The following TNNI3K variants were observed in gnomAD, a reference collection of about 807,000 sequenced individuals.
TNNI3K encodes serine/threonine-protein kinase TNNI3K.
Under a neutral mutation model 114.5 loss-of-function variants are expected in TNNI3K, and 140 were observed. That is an observed-to-expected ratio of 1.22 (90% CI 1.07 to 1.41). The LOEUF is 1.41. TNNI3K is among the 40% of genes most tolerant of loss of function. The probability of loss-of-function intolerance (pLI) is 0.00; values close to 1 mark genes in which losing one functional copy is unlikely to be tolerated. For synonymous variants in TNNI3K, 347 were observed against 347.5 expected (o/e 1.00, Z 0.02); for missense variants, 1,125 against 1,007.6 (o/e 1.12, Z -1.58).
intron 9 of TNNI3K, among the ~76,000 whole-genome samples, chr1:74,352,263 G>A (rs1451886259): frequency 1.3e-5 from 2 of 152,208 alleles, no homozygotes; most frequent in Non-Finnish European, 2.9e-5. Flanking sequence ...GGTATCAGCA[G>A]TGGTGGCTGC....
chr1:74,302,959 G>A (rs1250908273), intron 5 of TNNI3K, among the ~76,000 whole-genome samples: 1 of 152,180 alleles, frequency 6.6e-6, no homozygotes, highest in Non-Finnish European at 1.5e-5. Context: ...GGACTTTCAG[G>A]CTAGAAAGGA....
chr1:74,415,194 G>C (rs1378823568), intron 17 of TNNI3K, among the ~76,000 whole-genome samples: 1 of 152,098 alleles, frequency 6.6e-6, no homozygotes. Context: ...CCATATGGCT[G>C]TCCTTCTCAT....
At position 74,250,690 on chromosome 1, in the gene TNNI3K, G is replaced by T; in HGVS notation, c.254G>T (p.Arg85Leu). 6.2e-7 allele frequency: 1 copy of T among 1,610,090 alleles called. No homozygotes were observed. Among genetic ancestry groups the T allele is most frequent in the South Asian group, 1.1e-5 (1 of 89,986 alleles). ...CTTTAAGGCAAGAAATCACATATTCGAACTCTTATGTTGAAAGGGCTCCGC... is the reference window on the plus strand; with the variant it reads ...CTTTAAGGCAAGAAATCACATATTCTAACTCTTATGTTGAAAGGGCTCCGC... ...CICGGKKSHI[R>L]TLMLKGLRPS... The change falls in exon 4 of 25, where the codon CGA becomes CTA. Residue 85 changes from arginine (R) to leucine (L), a missense_variant. By Grantham distance (102) the Arg-to-Leu change is moderately radical (BLOSUM62 -2). Transcript: ENST00000326637.
chr1:74,279,323 T>C (rs1259633052), intron 5 of TNNI3K, among the ~76,000 whole-genome samples: 1 of 152,226 alleles, frequency 6.6e-6, no homozygotes, highest in Non-Finnish European at 1.5e-5. Flanking sequence ...AATGCTTCAG[T>C]TGCGGTTAGC....
At chr1:74,490,035 C>T (rs45608733) in intron 22 of TNNI3K, among the ~76,000 whole-genome samples, 4,277 of 75,880 alleles carry the variant, frequency 0.056, 233 homozygotes, top group African/African-American at 0.19. Context: ...TCAAGAAAAG[C>T]AGGATTTTTT....
intron 5 of TNNI3K, among the ~76,000 whole-genome samples, chr1:74,322,471 T>C (rs1161172597): frequency 6.6e-6 from 1 of 151,128 alleles, no homozygotes; most frequent in Admixed American, 6.6e-5. Flanking sequence ...CTTTTTTTTT[T>C]TTTTTTTGTC....
At chr1:74,271,020 C>A (rs891107338) in intron 4 of TNNI3K, among the ~76,000 whole-genome samples, 5 of 151,592 alleles carry the variant, frequency 3.3e-5, no homozygotes, top group Admixed American at 3.3e-4. Context: ...AACATATTCA[C>A]TGGTAAAACG....
intron 5 of TNNI3K, among the ~76,000 whole-genome samples, chr1:74,324,378 A>C (rs1327500078): frequency 6.6e-6 from 1 of 152,248 alleles, no homozygotes; most frequent in African/African-American, 2.4e-5. Context: ...AGAAGCTGTC[A>C]ACTGCAAACA....
chr1:74,429,391 G>T (rs1665785596), intron 17 of TNNI3K, among the ~76,000 whole-genome samples: 1 of 152,116 alleles, frequency 6.6e-6, no homozygotes, highest in African/African-American at 2.4e-5. Flanking sequence ...TCCAAAGTAA[G>T]TGGATGTGAA....
intron 6 of TNNI3K, among the ~76,000 whole-genome samples, chr1:74,332,848 C>G (rs750580707): frequency 2.2e-4 from 34 of 151,748 alleles, no homozygotes; most frequent in Non-Finnish European, 4.4e-4. Flanking sequence ...CATTTTCTAA[C>G]TCTAAAGTCT....
chr1:74,428,153 G>A (rs1215675576), intron 17 of TNNI3K, among the ~76,000 whole-genome samples: 3 of 151,998 alleles, frequency 2.0e-5, no homozygotes, highest in African/African-American at 4.8e-5. Flanking sequence ...AGTTTCCATG[G>A]TTTCCAAGAG....
chr1:74,459,511 A>G (rs1667358877), intron 20 of TNNI3K, among the ~76,000 whole-genome samples: 1 of 152,228 alleles, frequency 6.6e-6, no homozygotes, highest in Non-Finnish European at 1.5e-5. Flanking sequence ...GGCAAAAGGA[A>G]TCGCATTTTA....
intron 7 of TNNI3K, among the ~76,000 whole-genome samples, chr1:74,340,896 G>A (rs573056951): frequency 5.1e-4 from 77 of 152,192 alleles, no homozygotes; most frequent in Admixed American, 9.8e-4. Context: ...AATGAAAGGC[G>A]TCTTTTTGAG....
At chr1:74,342,746 C>T (rs1455737093) in intron 7 of TNNI3K, 96 bp from the exon 8 acceptor site, 2 of 1,457,578 alleles carry the variant, frequency 1.4e-6, no homozygotes, top group East Asian at 4.6e-5. Context: ...CCAGGAATCA[C>T]TCAGGCACTT....
intron 5 of TNNI3K, among the ~76,000 whole-genome samples, chr1:74,278,213 T>G (rs1656798657): frequency 6.6e-6 from 1 of 152,160 alleles, no homozygotes; most frequent in South Asian, 2.1e-4. Context: ...TGCCCCAATC[T>G]TGTGAATAGG....
chr1:74,249,422 A>G (rs777057036), intron 2 of TNNI3K, 37 bp from the exon 3 acceptor site: 2 of 1,580,934 alleles, frequency 1.3e-6, no homozygotes, highest in Non-Finnish European at 8.6e-7. Context: ...ATGCTAAAAG[A>G]TGAATTTTGT....
chr1:74,384,973 T>A (rs1285845385), intron 17 of TNNI3K, among the ~76,000 whole-genome samples: 1 of 152,156 alleles, frequency 6.6e-6, no homozygotes, highest in African/African-American at 2.4e-5. Flanking sequence ...TGCCTTCTAC[T>A]CATATTAGTA....
At chr1:74,331,371 T>C (rs1256804849) in intron 5 of TNNI3K, 79 bp from the exon 6 acceptor site, 1 of 1,440,372 alleles carries the variant, frequency 6.9e-7, no homozygotes, top group South Asian at 1.3e-5. Context: ...TGAAGATTTG[T>C]GCATGGTGGT....
chr1:74,292,618 T>C (rs572557050), intron 5 of TNNI3K, among the ~76,000 whole-genome samples: 1 of 151,718 alleles, frequency 6.6e-6, no homozygotes, highest in African/African-American at 2.4e-5. Context: ...TAAGGGCCAA[T>C]ATTTAGTCAA....
Sources: allele counts gnomAD v4.1 joint callset (sites outside exome capture counted in the v4.1 genomes callset), GRCh38; gene constraint gnomAD v4.1.1; transcripts MANE v1.5; gene names NCBI Gene and HGNC (gene_info 2026-07-23, HGNC 2026-07-21).